Variants in SBF2 observed in about 807,000 individuals in gnomAD.
SBF2 encodes the protein SET binding factor 2.
In SBF2, 112 loss-of-function variants were observed where a neutral mutation model predicts 225.2. The ratio of observed to expected loss-of-function variants is 0.50; its 90% confidence interval spans 0.43 to 0.58. The LOEUF (loss-of-function observed/expected upper bound fraction) is 0.58, where lower values mean the gene tolerates loss of function less well. SBF2 is among the 20% of genes least tolerant of loss of function. SBF2 has a pLI of 0.00. For missense variants in SBF2, 1,996 were observed against 2,206.2 expected, an observed-to-expected ratio of 0.90 and a Z score of 1.91; for synonymous variants, 763 against 773.3, an observed-to-expected ratio of 0.99 and a Z score of 0.22.
intron 2 of SBF2, among the ~76,000 whole-genome samples, chr11:10,086,193 T>C (rs929270718): frequency 6.6e-6 from 1 of 152,072 alleles, no homozygotes; most frequent in Non-Finnish European, 1.5e-5. Flanking sequence ...TTGAGGTGTT[T>C]ATCTTGCTTT....
At chr11:10,072,826 G>A (rs868102097) in intron 2 of SBF2, among the ~76,000 whole-genome samples, 2 of 150,674 alleles carry the variant, frequency 1.3e-5, no homozygotes, top group African/African-American at 2.4e-5. Flanking sequence ...CGCCCTCCCA[G>A]GGTCAAGCAA....
intron 13 of SBF2, among the ~76,000 whole-genome samples, chr11:9,973,849 A>G (rs1431830708): frequency 6.6e-6 from 1 of 152,234 alleles, no homozygotes; most frequent in African/African-American, 2.4e-5. Context: ...AATTTTTCCT[A>G]TGTATTGGTC....
chr11:10,094,546 T>TTTTTTTTTTTA (rs56821180), intron 2 of SBF2, among the ~76,000 whole-genome samples: 5 of 146,070 alleles, frequency 3.4e-5, no homozygotes, highest in South Asian at 2.2e-4. Context: ...TTTTTTTTTT[T>TTTTTTTTTTTA]GAGACAGAGT....
intron 23 of SBF2, 108 bp downstream of exon 23, chr11:9,846,848 A>G: frequency 8.1e-7 from 1 of 1,236,234 alleles, no homozygotes; most frequent in Non-Finnish European, 1.2e-6. Context: ...GATCTTCCCC[A>G]TTCTCATCCT....
At chr11:9,855,477 G>A (rs781320120) in intron 19 of SBF2, among the ~76,000 whole-genome samples, 4 of 152,156 alleles carry the variant, frequency 2.6e-5, no homozygotes, top group Admixed American at 2.6e-4. Context: ...GAATTTATGC[G>A]AGCTCGAACT....
At chr11:10,124,892 G>C (rs1179539208) in intron 2 of SBF2, among the ~76,000 whole-genome samples, 1 of 152,062 alleles carries the variant, frequency 6.6e-6, no homozygotes, top group Non-Finnish European at 1.5e-5. Flanking sequence ...ATCACCTGAG[G>C]TCAGGAGTTG....
chr11:9,930,487 G>T (rs981181839), intron 16 of SBF2, among the ~76,000 whole-genome samples: 2 of 152,202 alleles, frequency 1.3e-5, no homozygotes, highest in African/African-American at 4.8e-5. Context: ...GAGAAGAGGG[G>T]AGAGTATCCT....
chr11:10,243,506 A>G (rs1263510874), intron 1 of SBF2, among the ~76,000 whole-genome samples: 1 of 151,876 alleles, frequency 6.6e-6, no homozygotes, highest in African/African-American at 2.4e-5. Context: ...ACGAGAAAAA[A>G]AATTTTTTAA....
intron 30 of SBF2, among the ~76,000 whole-genome samples, chr11:9,811,607 T>C (rs536571327): frequency 6.6e-6 from 1 of 152,280 alleles, no homozygotes; most frequent in African/African-American, 2.4e-5. Flanking sequence ...ATTGCCTTAA[T>C]AATAATGAAC....
chr11:9,961,889 C>T (rs1365385201), intron 16 of SBF2, 68 bp downstream of exon 16: 1 of 1,503,782 alleles, frequency 6.6e-7, no homozygotes, highest in East Asian at 2.3e-5. Context: ...TTGGTAATTA[C>T]AAAATATTCT....
chr11:10,156,618 A>G (rs1196322789), intron 2 of SBF2, among the ~76,000 whole-genome samples: 1 of 152,236 alleles, frequency 6.6e-6, no homozygotes, highest in East Asian at 1.9e-4. Context: ...GTGGCCACAC[A>G]TGGACCAATC....
intron 17 of SBF2, among the ~76,000 whole-genome samples, chr11:9,890,380 T>C (rs974435937): frequency 7.9e-5 from 12 of 152,204 alleles, no homozygotes; most frequent in African/African-American, 2.9e-4. Context: ...TTCAAACAAA[T>C]CTTTTGAATG....
chr11:9,790,419 A>C (rs891106554), intron 34 of SBF2, 137 bp downstream of exon 34: 11 of 702,898 alleles, frequency 1.6e-5, no homozygotes, highest in Non-Finnish European at 2.0e-5. Flanking sequence ...ATAGTGTCTC[A>C]AACTTTGAAA....
chr11:9,894,712 A>C (rs1197563158), intron 17 of SBF2, among the ~76,000 whole-genome samples: 1 of 151,088 alleles, frequency 6.6e-6, no homozygotes, highest in African/African-American at 2.4e-5. Context: ...CAGGCGCAGT[A>C]GCTCATGCCT....
At chr11:10,169,282 C>G (rs72861722) in intron 2 of SBF2, among the ~76,000 whole-genome samples, 8 of 152,102 alleles carry the variant, frequency 5.3e-5, no homozygotes, top group African/African-American at 1.7e-4. Context: ...TTCATTCTAC[C>G]CAACTATATT....
chr11:10,198,512 C>T (rs545892919), intron 1 of SBF2, among the ~76,000 whole-genome samples: 1 of 152,336 alleles, frequency 6.6e-6, no homozygotes, highest in South Asian at 2.1e-4. Context: ...TTCTTAAAGG[C>T]ACTGGAATTT....
At position 10,232,671 on chromosome 11, in the gene SBF2, C is replaced by T. The variant is rs184283561; in HGVS notation, c.56-38684G>A. On this transcript the variant is annotated intron_variant, in intron 1 of 39. Transcript: ENST00000256190. ...CTTGAACTCCTGGGCTCAACCAATC[C>T]GCCTGTCTCAGCCTCCTGAGCAGCT... Among the ~76,000 whole-genome samples the T allele has an allele frequency of 4.2e-4, 64 of 151,520 alleles. No homozygotes were observed. In the East Asian group the frequency reaches 5.0e-3, roughly 12 times the overall value.
intron 1 of SBF2, among the ~76,000 whole-genome samples, chr11:10,229,309 T>C (rs1958721742): frequency 6.6e-6 from 1 of 152,248 alleles, no homozygotes; most frequent in Non-Finnish European, 1.5e-5. Context: ...TTTGTGTCTC[T>C]ATTTCCTTCA....
At chr11:10,146,718 A>G (rs2135155532) in intron 2 of SBF2, among the ~76,000 whole-genome samples, 1 of 152,322 alleles carries the variant, frequency 6.6e-6, no homozygotes, top group East Asian at 1.9e-4. Context: ...AAAAATTGAC[A>G]AATGGGATCT....
Sources: gnomAD v4.1 joint callset for allele counts (sites outside exome capture counted in the v4.1 genomes callset) on GRCh38, gnomAD v4.1.1 for gene constraint, MANE v1.5 for transcripts, NCBI Gene and HGNC (gene_info 2026-07-23, HGNC 2026-07-21) for gene names.